DPYSL5: variants seen among roughly 807,000 people sequenced by gnomAD.
The protein encoded by DPYSL5 is dihydropyrimidinase-related protein 5.
DPYSL5 carries 9 observed loss-of-function variants against 58.4 expected under a neutral mutation model. The ratio of observed to expected loss-of-function variants is 0.15; its 90% CI spans 0.09 to 0.27. The LOEUF is 0.27. Ranked by LOEUF, DPYSL5 falls within the 10% of genes least tolerant of loss-of-function variation. The pLI is 1.00. For missense variants in DPYSL5, 499 were observed against 770.6 expected, an observed-to-expected ratio of 0.65 and a Z score of 4.17; for synonymous variants, 293 against 301.9, an observed-to-expected ratio of 0.97 and a Z score of 0.31.
At chr2:26,932,155 G>GA (rs1325210572) in intron 6 of DPYSL5, among the ~76,000 whole-genome samples, 4 of 52,286 alleles carry the variant, frequency 7.7e-5, no homozygotes, top group Admixed American at 3.8e-4. Flanking sequence ...AAGAAAGAAA[G>GA]AAAGAAAGAA....
intron 1 of DPYSL5, among the ~76,000 whole-genome samples, chr2:26,893,904 C>A (rs1397582088): frequency 2.0e-5 from 3 of 152,054 alleles, no homozygotes; most frequent in African/African-American, 7.3e-5. Context: ...ATGGCGTAAT[C>A]TCCTTCCTGC....
intron 2 of DPYSL5, among the ~76,000 whole-genome samples, chr2:26,918,698 C>T (rs570294160): frequency 3.3e-5 from 5 of 152,124 alleles, no homozygotes; most frequent in Non-Finnish European, 7.4e-5. Flanking sequence ...AGTATTGTTC[C>T]CTCTATAAAG....
intron 2 of DPYSL5, among the ~76,000 whole-genome samples, chr2:26,902,160 TG>T (rs1459186902): frequency 6.6e-6 from 1 of 151,974 alleles, no homozygotes; most frequent in African/African-American, 2.4e-5. Flanking sequence ...GTTATCTCCG[TG>T]GGGTGGCAGG....
intron 1 of DPYSL5, among the ~76,000 whole-genome samples, chr2:26,852,094 G>T (rs1325749473): frequency 6.6e-6 from 1 of 152,164 alleles, no homozygotes; most frequent in Non-Finnish European, 1.5e-5. Flanking sequence ...ATCTGATCTT[G>T]TGTATCTTTT....
At chr2:26,856,361 G>C (rs1031453649) in intron 1 of DPYSL5, among the ~76,000 whole-genome samples, 1 of 152,088 alleles carries the variant, frequency 6.6e-6, no homozygotes, top group African/African-American at 2.4e-5. Flanking sequence ...AATCAGCTTT[G>C]CCTATTTTTG....
intron 1 of DPYSL5, among the ~76,000 whole-genome samples, chr2:26,892,678 C>A (rs1407026007): frequency 1.5e-4 from 21 of 137,778 alleles, no homozygotes; most frequent in East Asian, 2.1e-4. Context: ...AAAAAAAAAA[C>A]AAAAACAAAA....
rs773876610 is a variant in DPYSL5 at position 26,871,631 on chromosome 2, G to A, written c.-5+23377G>A. ...TAATTTTTGTATTTTTAGTAGAGAC[G>A]GGCTTCACCATGTTGGCTGGGCTGG... On this transcript the variant is annotated intron_variant, in intron 1 of 12. Transcript: ENST00000288699. 7.4e-4 allele frequency among the ~76,000 whole-genome samples: 113 copies of A among 151,800 alleles called. 1 individual carries two copies. The highest frequency in any genetic ancestry group is 1.6e-4 in the Non-Finnish European group (11 of 67,944).
chr2:26,919,329 G>T (rs1664649722), intron 2 of DPYSL5, among the ~76,000 whole-genome samples: 1 of 152,154 alleles, frequency 6.6e-6, no homozygotes, highest in Non-Finnish European at 1.5e-5. Context: ...TGGAAACTGT[G>T]TCATAAAATG....
chr2:26,913,448 CTTTTTAAGGCTGAATAA>C (rs1209377775), intron 2 of DPYSL5, among the ~76,000 whole-genome samples: 1 of 152,094 alleles, frequency 6.6e-6, no homozygotes, highest in Non-Finnish European at 1.5e-5. Context: ...AATGTCCTTC[CTTTTTAAGGCTGAATAA>C]TACTCCATTG....
chr2:26,871,607 A>G (rs1387885558), intron 1 of DPYSL5, among the ~76,000 whole-genome samples: 1 of 151,816 alleles, frequency 6.6e-6, no homozygotes, highest in Non-Finnish European at 1.5e-5. Context: ...ACACCCAGCT[A>G]ATTTTTGTAT....
intron 1 of DPYSL5, among the ~76,000 whole-genome samples, chr2:26,857,358 G>T (rs188100310): frequency 1.0e-3 from 158 of 152,200 alleles, no homozygotes; most frequent in Middle Eastern, 3.4e-3. Flanking sequence ...CCAACATATA[G>T]CGAAACCCCG....
rs1572724271 is a variant in DPYSL5, at chr2:26,944,546, G to A, written c.1441-110G>A. 4.7e-6 allele frequency: 6 copies of A among 1,267,692 alleles called. No homozygotes were observed. In the East Asian group the frequency reaches 1.2e-4, roughly 25 times the overall value. The allele number at this position is 1,267,692 out of a possible 1,614,324, so 78.5% of individuals were successfully genotyped here. A position where few individuals can be genotyped will look rare whatever the true frequency, so the allele number is the denominator to read the frequency against. ...TCACTTGCAGTGATTTGGGTCTTGG[G>A]CAGAGTGGCAGTGTCTAATGTCCCA... On this transcript the variant is annotated intron_variant, in intron 11 of 12. Transcript: ENST00000288699. The surrounding 1 kb of genome is among the most constrained non-coding windows in gnomAD (Gnocchi z 4.4).
chr2:26,908,695 A>C (rs1664360472), intron 2 of DPYSL5, among the ~76,000 whole-genome samples: 1 of 152,232 alleles, frequency 6.6e-6, no homozygotes. Flanking sequence ...GAATAAAATA[A>C]ATACACCCTC....
At chr2:26,910,616 C>CTTTTTTTTTTTTTTTTTTTTTTTT (rs34929540) in intron 2 of DPYSL5, among the ~76,000 whole-genome samples, 2 of 118,526 alleles carry the variant, frequency 1.7e-5, no homozygotes, top group South Asian at 2.8e-4. Flanking sequence ...TCTTCTTCTT[C>CTTTTTTTTTTTTTTTTTTTTTTTT]TTTTTTTTTT....
chr2:26,933,334 G>A lies in DPYSL5; in HGVS notation c.790+1G>A. 1.2e-6 allele frequency: 2 copies of A among 1,613,936 alleles called. No individual in the cohort carries two copies. Among genetic ancestry groups the A allele is most frequent in the South Asian group, 1.1e-5 (1 of 91,070 alleles). On this transcript the variant is annotated splice_donor_variant, in intron 7 of 12. Transcript: ENST00000288699. LOFTEE classifies it high-confidence loss of function. This position sits in a 1 kb window ranked among gnomAD's most constrained non-coding sequence, Gnocchi z 4.2. ...GTTATCGCAGCTGCTAAGATGCAAG[G>A]TGAGTCCATAGACTTGGCTGGACAG...
intron 1 of DPYSL5, among the ~76,000 whole-genome samples, chr2:26,875,830 C>T (rs981873828): frequency 6.6e-6 from 1 of 152,150 alleles, no homozygotes; most frequent in African/African-American, 2.4e-5. Flanking sequence ...AGTTCCAATT[C>T]CACCTCTCCT....
At chr2:26,882,090 C>CAAAAAAAAAAAAA (rs752138649) in intron 1 of DPYSL5, among the ~76,000 whole-genome samples, 1 of 41,088 alleles carries the variant, frequency 2.4e-5, no homozygotes, top group African/African-American at 8.1e-5. Flanking sequence ...GACTCCATCT[C>CAAAAAAAAAAAAA]AAAAAAAAAA....
Position 26,927,562 on chromosome 2 carries a change from G to A in DPYSL5, c.600+130G>A. On this transcript the variant is annotated intron_variant, in intron 4 of 12. Coordinates refer to ENST00000288699, the MANE Select transcript of DPYSL5 (RefSeq NM_020134.4). The surrounding 1 kb of genome is among the most constrained non-coding windows in gnomAD (Gnocchi z 4.3). ...AATCAGTTGTTAAAGTGTGAGGTGT[G>A]GACACCCCAGCTGTCAGATCTTGGT... The A allele has an allele frequency of 8.8e-7, 1 of 1,131,950 alleles. No homozygotes were observed. The highest frequency in any genetic ancestry group is 1.2e-6 in the Non-Finnish European group (1 of 817,886). The allele number at this position is 1,131,950 out of a possible 1,614,324, so 70.1% of individuals were successfully genotyped here.
chr2:26,898,843 G>T lies in DPYSL5; in HGVS notation c.261+83G>T. ...GGGCTGCTCCAGACTAGACTCATGTGAGCCAGGTGCTCCCAGTGTATTGCT... is the reference window on the plus strand; with the variant it reads ...GGGCTGCTCCAGACTAGACTCATGTTAGCCAGGTGCTCCCAGTGTATTGCT... On this transcript the variant is annotated intron_variant, in intron 2 of 12. Transcript: ENST00000288699. The surrounding 1 kb of genome is among the most constrained non-coding windows in gnomAD (Gnocchi z 6.1). The T allele has an allele frequency of 1.3e-6, 2 of 1,495,400 alleles. No individual in the cohort carries two copies. The highest frequency in any genetic ancestry group is 1.8e-6 in the Non-Finnish European group (2 of 1,112,232). 92.6% of individuals were successfully genotyped at this position (1,495,400 alleles called of 1,614,324 possible).
Sources: gnomAD v4.1 joint callset for allele counts (sites outside exome capture counted in the v4.1 genomes callset) on GRCh38, gnomAD v4.1.1 for gene constraint, Gnocchi (gnomAD v3.1) non-coding constraint, MANE v1.5 for transcripts, NCBI Gene and HGNC (gene_info 2026-07-23, HGNC 2026-07-21) for gene names.